Variants in TRAPPC9 observed in about 807,000 individuals in gnomAD.
TRAPPC9 encodes the protein trafficking protein particle complex subunit 9.
A neutral mutation model predicts 124.0 loss-of-function variants in TRAPPC9; 83 were observed. The observed-to-expected ratio is 0.67, with a 90% CI of 0.56 to 0.80. TRAPPC9 has a LOEUF of 0.80. Among genes scored for constraint, TRAPPC9 ranks in the 30% least tolerant of loss-of-function variants. TRAPPC9 has a pLI of 0.00. For synonymous variants in TRAPPC9, 638 were observed against 617.5 expected (o/e 1.03, Z -0.49); for missense variants, 1,302 against 1,508.3 (o/e 0.86, Z 2.27).
chr8:139,987,074 A>G (rs898217666), intron 19 of TRAPPC9, among the ~76,000 whole-genome samples: 1 of 152,186 alleles, frequency 6.6e-6, no homozygotes, highest in Non-Finnish European at 1.5e-5. Flanking sequence ...GAGAGTTGCA[A>G]GTGCTGTTCT....
chr8:140,047,667 G>C lies in TRAPPC9; in HGVS notation c.2557-23588C>G, dbSNP rs771835471. ...ACAGCCTCTGCTGAAGGACAACATG[G>C]AGAACAACAGCAACAACAACACCCA... On this transcript the variant is annotated intron_variant, in intron 17 of 22. Coordinates refer to ENST00000438773, the MANE Select transcript of TRAPPC9 (RefSeq NM_001160372.4). 1.3e-5 allele frequency among the ~76,000 whole-genome samples: 2 copies of C among 152,232 alleles called. 1 individual carries two copies. The highest frequency in any genetic ancestry group is 2.9e-5 in the Non-Finnish European group (2 of 68,036).
At chr8:140,283,802 C>G in intron 14 of TRAPPC9, 87 bp downstream of exon 14, 6 of 1,419,604 alleles carry the variant, frequency 4.2e-6, no homozygotes, top group Non-Finnish European at 5.9e-6. Context: ...GAATTACAGG[C>G]TCTTTGTGCC....
chr8:139,770,712 T>G (rs1820900037), intron 21 of TRAPPC9, among the ~76,000 whole-genome samples: 1 of 152,118 alleles, frequency 6.6e-6, no homozygotes, highest in Non-Finnish European at 1.5e-5. Flanking sequence ...ATTCAATGAC[T>G]TAAAAATGGA....
At chr8:140,005,359 A>G (rs1838679126) in intron 18 of TRAPPC9, among the ~76,000 whole-genome samples, 1 of 152,226 alleles carries the variant, frequency 6.6e-6, no homozygotes. Flanking sequence ...TCTATGGGGA[A>G]GGAACGCAGC....
At chr8:140,367,424 G>A (rs1460739373) in intron 8 of TRAPPC9, among the ~76,000 whole-genome samples, 1 of 152,128 alleles carries the variant, frequency 6.6e-6, no homozygotes, top group African/African-American at 2.4e-5. Flanking sequence ...GCTGAGAAAA[G>A]ATATGAAGGA....
intron 21 of TRAPPC9, among the ~76,000 whole-genome samples, chr8:139,828,516 T>C (rs1180541581): frequency 3.3e-5 from 5 of 152,178 alleles, no homozygotes; most frequent in African/African-American, 9.7e-5. Context: ...CCAAGCTCCA[T>C]TGAGAAAAGT....
intron 5 of TRAPPC9, among the ~76,000 whole-genome samples, chr8:140,418,033 G>A (rs768204174): frequency 3.3e-5 from 5 of 152,142 alleles, no homozygotes; most frequent in Non-Finnish European, 7.4e-5. Flanking sequence ...GACACAGGGA[G>A]GGGAACATCA....
intron 17 of TRAPPC9, among the ~76,000 whole-genome samples, chr8:140,188,359 T>C (rs1230294019): frequency 6.6e-6 from 1 of 152,194 alleles, no homozygotes; most frequent in African/African-American, 2.4e-5. Flanking sequence ...TGAATGCATC[T>C]CTCCTGATCC....
rs186334349 is a variant in TRAPPC9, at chr8:140,283,451, C to T, written c.2114+438G>A. Among the ~76,000 whole-genome samples the T allele has an allele frequency of 7.8e-4, 118 of 150,870 alleles. 1 individual carries two copies. In the East Asian group the frequency reaches 0.015, roughly 20 times the overall value. On this transcript the variant is annotated intron_variant, in intron 14 of 22. Transcript: ENST00000438773. ...CTGTGACTACAGGCGCCCGCCACCA[C>T]GCCTGGCTAATTTTTTTTTTTATTT... is the stretch of plus-strand genomic sequence containing the variant.
At chr8:140,224,964 C>T (rs1300922204) in intron 16 of TRAPPC9, among the ~76,000 whole-genome samples, 2 of 152,170 alleles carry the variant, frequency 1.3e-5, no homozygotes, top group Non-Finnish European at 2.9e-5. Flanking sequence ...GCTGAATGAA[C>T]TTCATCAAGT....
intron 19 of TRAPPC9, among the ~76,000 whole-genome samples, chr8:139,973,416 G>A (rs539636719): frequency 1.3e-5 from 2 of 151,336 alleles, no homozygotes; most frequent in South Asian, 4.2e-4. Flanking sequence ...CCACAGGGCC[G>A]TGGCACCCAC....
Position 139,925,532 on chromosome 8 carries a change from G to A in TRAPPC9, c.2811-15232C>T, listed in dbSNP as rs145257330. On this transcript the variant is annotated intron_variant, in intron 19 of 22. Coordinates refer to ENST00000438773, the MANE Select transcript of TRAPPC9 (RefSeq NM_001160372.4). ...GGAGGCCGAGGCGGGCAGATTGCTTGAGGCCAGGAGTTCGAGACCAGCCTG... is the reference window on the plus strand; with the variant it reads ...GGAGGCCGAGGCGGGCAGATTGCTTAAGGCCAGGAGTTCGAGACCAGCCTG... Among the ~76,000 whole-genome samples, 1,421 of 152,212 alleles carry A rather than the reference G, an allele frequency of 9.3e-3. 30 individuals carry two copies. The highest frequency in any genetic ancestry group is 0.033 in the African/African-American group (1,351 of 41,544).
At chr8:140,263,196 A>G (rs747293351) in intron 15 of TRAPPC9, among the ~76,000 whole-genome samples, 6 of 152,116 alleles carry the variant, frequency 3.9e-5, no homozygotes, top group Non-Finnish European at 7.4e-5. Context: ...CACCAGAGGG[A>G]GCAACCACTC....
chr8:140,284,632 C>T (rs967264135), intron 13 of TRAPPC9, among the ~76,000 whole-genome samples: 3 of 152,138 alleles, frequency 2.0e-5, no homozygotes, highest in Non-Finnish European at 1.5e-5. Context: ...TGAAATTTCA[C>T]GAGATAATTA....
chr8:140,377,773 C>T (rs752069013), intron 7 of TRAPPC9, among the ~76,000 whole-genome samples: 6 of 152,114 alleles, frequency 3.9e-5, no homozygotes, highest in Non-Finnish European at 8.8e-5. Context: ...TAATGCCTTC[C>T]GCACTACACT....
chr8:139,766,300 T>C (rs1820581618), intron 21 of TRAPPC9, among the ~76,000 whole-genome samples: 1 of 152,072 alleles, frequency 6.6e-6, no homozygotes, highest in Non-Finnish European at 1.5e-5. Context: ...GTGTCTCTGC[T>C]CCCGTACTGG....
At chr8:140,419,604 G>A (rs1187534431) in intron 5 of TRAPPC9, among the ~76,000 whole-genome samples, 1 of 151,764 alleles carries the variant, frequency 6.6e-6, no homozygotes, top group African/African-American at 2.4e-5. Flanking sequence ...GAAAGGAAGA[G>A]GCCGGGTGCG....
intron 17 of TRAPPC9, among the ~76,000 whole-genome samples, chr8:140,198,637 C>T (rs1301670506): frequency 6.6e-6 from 1 of 152,196 alleles, no homozygotes; most frequent in African/African-American, 2.4e-5. Context: ...TAAAACCGGT[C>T]TCCTGCACAG....
chr8:139,900,744 G>GT (rs973301794), intron 20 of TRAPPC9, among the ~76,000 whole-genome samples: 2 of 152,150 alleles, frequency 1.3e-5, no homozygotes, highest in African/African-American at 4.8e-5. Flanking sequence ...GCCATTAGCA[G>GT]TAAAATATTT....
Sources: gnomAD v4.1 joint callset for allele counts (sites outside exome capture counted in the v4.1 genomes callset) on GRCh38, gnomAD v4.1.1 for gene constraint, MANE v1.5 for transcripts, NCBI Gene and HGNC (gene_info 2026-07-23, HGNC 2026-07-21) for gene names.